Variants in GON4L observed in about 807,000 individuals in gnomAD.
GON4L encodes GON-4-like protein.
A neutral mutation model predicts 211.8 loss-of-function variants in GON4L; 87 were observed. The ratio of observed to expected loss-of-function variants is 0.41; its 90% CI spans 0.35 to 0.49. The LOEUF (loss-of-function observed/expected upper bound fraction) is 0.49, where lower values mean the gene tolerates loss of function less well. Among genes scored for constraint, GON4L ranks in the 20% least tolerant of loss-of-function variants. The probability of loss-of-function intolerance (pLI) is 0.15; values close to 1 mark genes in which losing one functional copy is unlikely to be tolerated. For synonymous variants in GON4L, 875 were observed against 962.6 expected, an observed-to-expected ratio of 0.91 and a Z score of 1.68; for missense variants, 2,155 against 2,659.5, an observed-to-expected ratio of 0.81 and a Z score of 4.17.
At chr1:155,842,461 T>G (rs1383656245) in intron 2 of GON4L, among the ~76,000 whole-genome samples, 1 of 143,644 alleles carries the variant, frequency 7.0e-6, no homozygotes, top group Admixed American at 7.1e-5. Flanking sequence ...GAGGTGGAGG[T>G]TGCAGTGAGC....
chr1:155,770,620 G>A (rs1356122202), intron 19 of GON4L, among the ~76,000 whole-genome samples: 5 of 152,168 alleles, frequency 3.3e-5, no homozygotes, highest in South Asian at 4.1e-4. Context: ...AGGCCAAGGC[G>A]GGTGGATCAC....
intron 26 of GON4L, 49 bp downstream of exon 26, chr1:155,757,131 C>A: frequency 6.2e-7 from 1 of 1,613,856 alleles, no homozygotes; most frequent in South Asian, 1.1e-5. Flanking sequence ...ATCCCTCCCA[C>A]GTGTGGCCTT....
At chr1:155,747,046 G>A, downstream of GON4L, 1 of 1,606,180 alleles carries the variant, frequency 6.2e-7, no homozygotes, top group East Asian at 2.2e-5. Flanking sequence ...TATGCGGTGT[G>A]GCCAGCCAAC....
chr1:155,826,211 T>TA (rs373910061), intron 3 of GON4L, among the ~76,000 whole-genome samples: 6,252 of 144,904 alleles, frequency 0.043, 152 homozygotes, highest in Non-Finnish European at 0.049. Flanking sequence ...ACCCTGTCTT[T>TA]AAAAAAAAAA....
Position 155,826,940 on chromosome 1 carries a change from T to G in GON4L, c.594A>C (p.Ser198=), listed in dbSNP as rs758412906. ...GAGAGGCACAAACATCTGGCTGGGT[T>G]GATTTCCTGGGCTGGCTTACTGGTT... ...SAKPVSQPRK[S]TQPDVCASPQ... is the part of the protein sequence containing the mutation. Residue 198 remains serine, a synonymous_variant, in exon 3 of 32, where the codon TCA becomes TCC. Coordinates refer to ENST00000368331, the MANE Select transcript of GON4L (RefSeq NM_001282860.2). 4.3e-6 allele frequency: 7 copies of G among 1,613,994 alleles called. No individual in the cohort carries two copies. The Admixed American group carries it at 1.2e-4, about 27-fold the overall frequency.
At chr1:155,790,373 C>T (rs1298186597) in intron 12 of GON4L, among the ~76,000 whole-genome samples, 1 of 151,706 alleles carries the variant, frequency 6.6e-6, no homozygotes. Flanking sequence ...GCTGGGATTA[C>T]AGGCGTGAGC....
chr1:155,748,934 CTG>C, downstream of GON4L: 1 of 851,356 alleles, frequency 1.2e-6, no homozygotes, highest in South Asian at 1.9e-5. Context: ...CTTGATCCAG[CTG>C]ATGGCCTGAT....
At chr1:155,823,731 C>A (rs1009360784) in intron 3 of GON4L, among the ~76,000 whole-genome samples, 3 of 151,998 alleles carry the variant, frequency 2.0e-5, no homozygotes, top group Non-Finnish European at 2.9e-5. Flanking sequence ...CTCGTCTCTA[C>A]TGAAAATACA....
chr1:155,810,560 T>C (rs1253648988), intron 10 of GON4L, among the ~76,000 whole-genome samples: 1 of 151,356 alleles, frequency 6.6e-6, no homozygotes, highest in Non-Finnish European at 1.5e-5. Flanking sequence ...TACAAAAAAT[T>C]AGCCGGGCAT....
chr1:155,854,327 T>C lies in GON4L; in HGVS notation c.-26-521A>G, dbSNP rs1451100502. On this transcript the variant is annotated intron_variant, in intron 1 of 31. Transcript: ENST00000368331. Reference sequence around the variant, plus strand: ...ACCACCTACGCCTGGCTAATTTTTTTTGTATTTTTAGTAGAGATGGGGTTT... The same window carrying C: ...ACCACCTACGCCTGGCTAATTTTTTCTGTATTTTTAGTAGAGATGGGGTTT... Among the ~76,000 whole-genome samples the C allele has an allele frequency of 3.3e-5, 5 of 152,166 alleles. No individual in the cohort carries two copies. In the East Asian group the frequency reaches 9.6e-4, roughly 29 times the overall value.
At chr1:155,814,150 C>T (rs910798058) in intron 9 of GON4L, among the ~76,000 whole-genome samples, 180 bp downstream of exon 9, 5 of 152,152 alleles carry the variant, frequency 3.3e-5, no homozygotes, top group Non-Finnish European at 5.9e-5. Flanking sequence ...TTAATGAGAA[C>T]TCAGAAAAGT....
chr1:155,761,454 G>A (rs1661791681), intron 23 of GON4L, among the ~76,000 whole-genome samples: 1 of 151,100 alleles, frequency 6.6e-6, no homozygotes, highest in Non-Finnish European at 1.5e-5. Flanking sequence ...GCCTCCCAAA[G>A]TGCTGGCATT....
At chr1:155,784,760 G>C (rs1664778048) in intron 13 of GON4L, 1 of 173,874 alleles carries the variant, frequency 5.8e-6, no homozygotes, top group Admixed American at 5.5e-5. Context: ...ACACAAAGTA[G>C]TTTAAAACTA....
intron 3 of GON4L, among the ~76,000 whole-genome samples, chr1:155,825,520 C>T (rs999263913): frequency 6.7e-6 from 1 of 148,252 alleles, no homozygotes; most frequent in African/African-American, 2.5e-5. Context: ...TGCAGTGAGC[C>T]GAGATTGCGC....
At chr1:155,758,230 C>T (rs993833513) in intron 24 of GON4L, among the ~76,000 whole-genome samples, 196 bp from the exon 25 acceptor site, 4 of 151,612 alleles carry the variant, frequency 2.6e-5, no homozygotes, top group African/African-American at 9.7e-5. Context: ...GGGTAGCCAC[C>T]CAAAGCAATT....
chr1:155,785,092 C>A (rs896762278), intron 13 of GON4L: 5 of 557,936 alleles, frequency 9.0e-6, no homozygotes, highest in Non-Finnish European at 1.7e-5. Flanking sequence ...GGAGCAAGAA[C>A]CCCCTCAAAC....
At chr1:155,769,065 T>C (rs966644536) in intron 19 of GON4L, among the ~76,000 whole-genome samples, 5 of 152,110 alleles carry the variant, frequency 3.3e-5, no homozygotes, top group African/African-American at 1.2e-4. Context: ...AACCTCTGTC[T>C]CCCTAGTTCA....
chr1:155,809,590 TTATA>T (rs1232612408), intron 10 of GON4L, among the ~76,000 whole-genome samples: 5 of 131,804 alleles, frequency 3.8e-5, no homozygotes. Flanking sequence ...AATTATATAC[TTATA>T]TATACTTATA....
chr1:155,856,774 G>C (rs760159701), intron 1 of GON4L, among the ~76,000 whole-genome samples: 1 of 151,780 alleles, frequency 6.6e-6, no homozygotes, highest in Admixed American at 6.6e-5. Context: ...AAAAGAAAAA[G>C]AAAGAAAGAA....
Sources: allele counts gnomAD v4.1 joint callset (sites outside exome capture counted in the v4.1 genomes callset), GRCh38; gene constraint gnomAD v4.1.1; transcripts MANE v1.5; gene names NCBI Gene and HGNC (gene_info 2026-07-23, HGNC 2026-07-21).